The following PAQR6 variants were observed in gnomAD, a reference collection of about 807,000 sequenced individuals.
PAQR6 encodes the protein membrane progestin receptor delta.
In PAQR6, 34 loss-of-function variants were observed where a neutral mutation model predicts 36.2. The ratio of observed to expected loss-of-function variants is 0.94; its 90% confidence interval spans 0.71 to 1.25. The LOEUF (loss-of-function observed/expected upper bound fraction) is 1.25. PAQR6 is among the 50% of genes most tolerant of loss of function. The probability of loss-of-function intolerance (pLI) is 0.00; values close to 1 mark genes in which losing one functional copy is unlikely to be tolerated. For synonymous variants in PAQR6, 190 were observed against 190.7 expected (o/e 1.00, Z 0.03); for missense variants, 431 against 445.7 (o/e 0.97, Z 0.30).
rs751070967 is a variant in PAQR6 at position 156,246,196 on chromosome 1, A to C, written c.106T>G (p.Leu36Val). ...SGYRRPTSSALDCVLSSFQMT... is the reference protein window; with the variant it reads ...SGYRRPTSSAVDCVLSSFQMT... ...TGGAAGGAGCTGAGGACACAGTCCA[A>C]AGCCGAGCTGGTGGGGCGGCGGTAG... Residue 36 changes from leucine (L) to valine (V), a missense_variant, in exon 3 of 8, where the codon TTG becomes GTG. By Grantham distance (32) the Leu-to-Val change is conservative. Coordinates refer to ENST00000292291, the MANE Select transcript of PAQR6 (RefSeq NM_198406.3). 16 of 1,613,736 alleles carry C rather than the reference A, an allele frequency of 9.9e-6. No individual in the cohort carries two copies. The highest frequency in any genetic ancestry group is 1.7e-5 in the Admixed American group (1 of 60,022).
In PAQR6 at chr1:156,245,228, G is replaced by A. The variant is rs923946489; in HGVS notation, c.523C>T (p.Leu175=). Reference sequence around the variant, plus strand: ...ACCTTACTGAGCCCAGGGCTTTCCAGCTCCAGGAAACTGGGAGGCGGGAGG... The same window carrying A: ...ACCTTACTGAGCCCAGGGCTTTCCAACTCCAGGAAACTGGGAGGCGGGAGG... ...GLSCYSRFLE[L]ESPGLSKVLR... The change falls in exon 6 of 8, where the codon CTG becomes TTG. Residue 175 remains leucine, a synonymous_variant. Transcript: ENST00000292291. 6.2e-7 allele frequency: 1 copy of A among 1,614,060 alleles called. No individual in the cohort carries two copies. Among genetic ancestry groups the A allele is most frequent in the Non-Finnish European group, 8.5e-7 (1 of 1,179,984 alleles).
Position 156,243,601 on chromosome 1 carries a change from A to C in PAQR6, c.*528T>G. On this transcript the variant is annotated 3_prime_UTR_variant, in exon 8 of 8. Transcript: ENST00000292291. ...CCCCAAAAGCCTGGACACCTTGAGC[A>C]CACAGTTATGACCAGGACAGACTCA... 1.9e-6 allele frequency: 1 copy of C among 517,318 alleles called. No homozygotes were observed. 32.0% of individuals were successfully genotyped at this position (517,318 alleles called of 1,614,324 possible). A position where few individuals can be genotyped will look rare whatever the true frequency, so the allele number is the denominator to read the frequency against.
In PAQR6 at chr1:156,244,178, A is replaced by G; in HGVS notation, c.986T>C (p.Leu329Pro). The change falls in exon 8 of 8, where the codon CTG becomes CCG. Residue 329 changes from leucine to proline, a missense_variant. Physicochemically the swap from Leu to Pro is moderately conservative, Grantham distance 98 (BLOSUM62 -3). Transcript: ENST00000292291. ...CCCCTCCAGTGGGCCACCCTGCAGCAGAGGGCATGTACTGGGGGCCCGAAG... is the reference window on the plus strand; with the variant it reads ...CCCCTCCAGTGGGCCACCCTGCAGCGGAGGGCATGTACTGGGGGCCCGAAG... ...TLLRAPSTCP[L>P]LQGGPLEGGT... 2 of 1,609,646 alleles carry G rather than the reference A, an allele frequency of 1.2e-6. No individual in the cohort carries two copies. The highest frequency in any genetic ancestry group is 1.7e-6 in the Non-Finnish European group (2 of 1,176,478).
intron 1 of PAQR6, 35 bp downstream of exon 1, chr1:156,247,922 T>TTCCCAGAAGAGCCCCA: frequency 2.3e-6 from 1 of 431,816 alleles, no homozygotes; most frequent in South Asian, 1.7e-5. Context: ...TACCTCTATT[T>TTCCCAGAAGAGCCCCA]TCCCAGAAGA....
chr1:156,246,550 C>G (rs758005891), intron 2 of PAQR6, 131 bp downstream of exon 2: 18 of 1,088,994 alleles, frequency 1.7e-5, no homozygotes, highest in Non-Finnish European at 2.1e-5. Context: ...GGAAGAGTCT[C>G]ACACTGGAAT....
At position 156,244,114 on chromosome 1, in the gene PAQR6, G is replaced by A; in HGVS notation, c.*15C>T. 1 of 1,606,494 alleles carries A rather than the reference G, an allele frequency of 6.2e-7. No homozygotes were observed. ...TGGCCTCTGCCCCCTCCAGGACAGG[G>A]TCAGGGATGGGGCCTCACTGTTGTT... On this transcript the variant is annotated 3_prime_UTR_variant, in exon 8 of 8. Transcript: ENST00000292291.
At position 156,243,995 on chromosome 1, in the gene PAQR6, T is replaced by C. The variant is rs747229594; in HGVS notation, c.*134A>G. The stretch of plus-strand genomic sequence containing the variant: ...CCCTCCTCTTCTCTGCCCTCTCTCC[T>C]GTGCCCTCTCTCCTCAGCCCCTGTT... On this transcript the variant is annotated 3_prime_UTR_variant, in exon 8 of 8. Coordinates refer to ENST00000292291, the MANE Select transcript of PAQR6 (RefSeq NM_198406.3). 5 of 1,614,038 alleles carry C rather than the reference T, an allele frequency of 3.1e-6. No homozygotes were observed. The highest frequency in any genetic ancestry group is 3.3e-5 in the Admixed American group (2 of 60,002).
In PAQR6 at chr1:156,245,838, C is replaced by A; in HGVS notation, c.329G>T (p.Arg110Leu). The A allele has an allele frequency of 1.2e-6, 2 of 1,606,428 alleles. No homozygotes were observed. The highest frequency in any genetic ancestry group is 1.1e-5 in the South Asian group (1 of 89,722). The change falls in exon 4 of 8, where the codon CGC becomes CTC. Residue 110 changes from arginine (R) to leucine (L), a missense_variant. By Grantham distance (102) the Arg-to-Leu change is moderately radical (BLOSUM62 -2). Transcript: ENST00000292291. Reference sequence around the variant, plus strand: ...GAGGAAGTAGCAGATGTGGCGCATGCGGGGCGACATGGAGCTGAAGGTGTG... The same window carrying A: ...GAGGAAGTAGCAGATGTGGCGCATGAGGGGCGACATGGAGCTGAAGGTGTG... ...CAHTFSSMSP[R>L]MRHICYFLDY...
Position 156,245,119 on chromosome 1 carries a change from G to A in PAQR6, c.609+23C>T, listed in dbSNP as rs763206647. On this transcript the variant is annotated intron_variant, in intron 6 of 7. Coordinates refer to ENST00000292291, the MANE Select transcript of PAQR6 (RefSeq NM_198406.3). Reference sequence around the variant, plus strand: ...TCAGGACAGGAAAGCAGGAGTCTGGGCAGGGGCCCTAGGCCTCCTTACCCG... The same window carrying A: ...TCAGGACAGGAAAGCAGGAGTCTGGACAGGGGCCCTAGGCCTCCTTACCCG... The A allele has an allele frequency of 1.7e-5, 27 of 1,609,276 alleles. 1 individual carries two copies. The highest frequency in any genetic ancestry group is 1.1e-4 in the South Asian group (10 of 90,910).
At position 156,243,922 on chromosome 1, in the gene PAQR6, A is replaced by G. The variant is rs1659727155; in HGVS notation, c.*207T>C. ...CTCAGCACTTCTTCCACTCCCATCA[A>G]GAGCCCCCTCACGGTCCCTCTCACA... On this transcript the variant is annotated 3_prime_UTR_variant, in exon 8 of 8. Transcript: ENST00000292291. 5 of 1,613,544 alleles carry G rather than the reference A, an allele frequency of 3.1e-6. No homozygotes were observed. Among genetic ancestry groups the G allele is most frequent in the African/African-American group, 1.3e-5 (1 of 74,890 alleles).
chr1:156,244,436 C>A, intron 7 of PAQR6, 33 bp from the exon 8 acceptor site: 1 of 1,466,362 alleles, frequency 6.8e-7, no homozygotes, highest in South Asian at 1.4e-5. Context: ...AGAGCCACAC[C>A]TTTCCCAGTG....
At chr1:156,244,936 T>C (rs767959085) in intron 6 of PAQR6, 25 bp from the exon 7 acceptor site, 261 of 1,607,540 alleles carry the variant, frequency 1.6e-4, no homozygotes, top group Non-Finnish European at 2.0e-4. Context: ...CCAAGGCTGC[T>C]GGGGAGGGAC....
intron 6 of PAQR6, 59 bp from the exon 7 acceptor site, chr1:156,244,970 G>T: frequency 6.3e-7 from 1 of 1,598,148 alleles, no homozygotes; most frequent in Non-Finnish European, 8.5e-7. Context: ...CATGGGGTGT[G>T]TCTGGGATCT....
chr1:156,246,586 A>G, intron 2 of PAQR6, 95 bp downstream of exon 2: 7 of 1,386,696 alleles, frequency 5.0e-6, no homozygotes, highest in Non-Finnish European at 6.9e-6. Context: ...CGCCTGCAGG[A>G]GGGGCTGCCC....
chr1:156,246,352 A>G (rs1318306033), intron 2 of PAQR6, 102 bp from the exon 3 acceptor site: 2 of 1,125,602 alleles, frequency 1.8e-6, no homozygotes, highest in Non-Finnish European at 2.6e-6. Flanking sequence ...CTGGAGATCA[A>G]CGTGGCCCCC....
At position 156,243,674 on chromosome 1, in the gene PAQR6, G is replaced by A; in HGVS notation, c.*455C>T. ...GGCAAACTGGCATTACCTGGTTTGTGGGGATGGGGGGGCAAGTGTGTGGCC... is the reference window on the plus strand; with the variant it reads ...GGCAAACTGGCATTACCTGGTTTGTAGGGATGGGGGGGCAAGTGTGTGGCC... On this transcript the variant is annotated 3_prime_UTR_variant, in exon 8 of 8. Coordinates refer to ENST00000292291, the MANE Select transcript of PAQR6 (RefSeq NM_198406.3). The A allele has an allele frequency of 1.4e-6, 1 of 724,554 alleles. No individual in the cohort carries two copies. The highest frequency in any genetic ancestry group is 2.5e-5 in the East Asian group (1 of 39,328). 44.9% of individuals were successfully genotyped at this position (724,554 alleles called of 1,614,324 possible).
chr1:156,245,154 TG>T lies in PAQR6; in HGVS notation c.596del (p.Pro199HisfsTer21). 6.2e-7 allele frequency: 1 copy of T among 1,612,098 alleles called. No homozygotes were observed. The highest frequency in any genetic ancestry group is 8.5e-7 in the Non-Finnish European group (1 of 1,179,408). ...TAGGCCTCCTTACCCGATAAAAGAG[TG>T]GGAGGTTGTCGAACAGGAATGGATA... Reference protein sequence around the residue: ...FAYPFLFDNLPLFYRLGLCWG... With the variant: ...FAYPFLFDNLXLFYRLGLCWG... On this transcript the variant is annotated frameshift_variant, in exon 6 of 8. Transcript: ENST00000292291. LOFTEE classifies it high-confidence loss of function.
rs1281807210 is a variant in PAQR6, at chr1:156,244,292, G to T, written c.872C>A (p.Pro291His). ...SRRAWLATQEPALGLAGTVAT... is the reference protein window; with the variant it reads ...SRRAWLATQEHALGLAGTVAT... ...CACTGTGCCTGCCAGGCCCAGGGCA[G>T]GTTCCTGTGTGGCCAGCCAGGCTCT... Residue 291 changes from proline to histidine, a missense_variant, in exon 8 of 8, where the codon CCT (proline) becomes CAT (histidine). Coordinates refer to ENST00000292291, the MANE Select transcript of PAQR6 (RefSeq NM_198406.3). 1.2e-6 allele frequency: 2 copies of T among 1,613,318 alleles called. No homozygotes were observed. Among genetic ancestry groups the T allele is most frequent in the East Asian group, 2.2e-5 (1 of 44,888 alleles).
chr1:156,246,867 C>T, intron 1 of PAQR6, 111 bp from the exon 2 acceptor site: 1 of 894,768 alleles, frequency 1.1e-6, no homozygotes, highest in South Asian at 1.7e-5. Flanking sequence ...AGATGGCACC[C>T]TCCCTCCTGG....
Sources: allele counts gnomAD v4.1 joint callset, GRCh38; gene constraint gnomAD v4.1.1; transcripts MANE v1.5; gene names NCBI Gene and HGNC (gene_info 2026-07-23, HGNC 2026-07-21).